Variants in NCKAP5 observed in about 807,000 individuals in gnomAD.
The protein encoded by NCKAP5 is NCK associated protein 5.
NCKAP5 carries 92 observed loss-of-function variants against 167.0 expected under a neutral mutation model. That is an observed-to-expected ratio of 0.55 (90% CI 0.47 to 0.66). The LOEUF (loss-of-function observed/expected upper bound fraction) is 0.66. Among genes scored for constraint, NCKAP5 ranks in the 30% least tolerant of loss-of-function variants. The pLI, the probability that NCKAP5 is intolerant of heterozygous loss-of-function variation, is 0.00. For missense variants in NCKAP5, 2,378 were observed against 2,315.0 expected, an observed-to-expected ratio of 1.03 and a Z score of -0.56; for synonymous variants, 891 against 877.4, an observed-to-expected ratio of 1.02 and a Z score of -0.27.
chr2:133,195,648 G>T (rs188994992), intron 5 of NCKAP5, among the ~76,000 whole-genome samples: 215 of 152,216 alleles, frequency 1.4e-3, no homozygotes, highest in African/African-American at 4.3e-3. Flanking sequence ...CCTTATTATG[G>T]ATCTTTGGAA....
At position 133,116,258 on chromosome 2, in the gene NCKAP5, C is replaced by T. The variant is rs975046609; in HGVS notation, c.341+13720G>A. Among the ~76,000 whole-genome samples the T allele has an allele frequency of 1.3e-4, 11 of 85,962 alleles. 2 individuals are homozygous for T. The highest frequency in any genetic ancestry group is 4.8e-3 in the Middle Eastern group (1 of 210). 56.4% of individuals were successfully genotyped at this position (85,962 alleles called of 152,430 possible). A position where few individuals can be genotyped will look rare whatever the true frequency, so the allele number is the denominator to read the frequency against. ...ATCCCAGCACTTTGGGAGGCCGAGG[C>T]GGGCGGATCACGAGGTCAGGAGATC... On this transcript the variant is annotated intron_variant, in intron 6 of 19. Transcript: ENST00000409261.
intron 4 of NCKAP5, among the ~76,000 whole-genome samples, chr2:133,264,002 T>G (rs2089051554): frequency 6.6e-6 from 1 of 152,170 alleles, no homozygotes; most frequent in African/African-American, 2.4e-5. Flanking sequence ...AACACTTTCA[T>G]CCCATTTTAG....
At chr2:132,801,414 C>T (rs562995222) in intron 11 of NCKAP5, among the ~76,000 whole-genome samples, 2 of 152,252 alleles carry the variant, frequency 1.3e-5, no homozygotes, top group South Asian at 4.1e-4. Flanking sequence ...GTATATATGT[C>T]ATATGTGTAC....
chr2:133,245,401 T>C lies in NCKAP5; in HGVS notation c.144-31622A>G, dbSNP rs183266076. ...ACAAACCATAAGTATTGAATTATTC[T>C]ATTTGTATTGAATTATTCTATTCAT... On this transcript the variant is annotated intron_variant, in intron 4 of 19. Coordinates refer to ENST00000409261, the MANE Select transcript of NCKAP5 (RefSeq NM_207363.3). Among the ~76,000 whole-genome samples the C allele has an allele frequency of 1.5e-4, 23 of 152,312 alleles. No homozygotes were observed. The East Asian group carries it at 3.9e-3, about 26-fold the overall frequency.
At chr2:132,965,009 T>C (rs1325371912) in intron 7 of NCKAP5, among the ~76,000 whole-genome samples, 1 of 152,228 alleles carries the variant, frequency 6.6e-6, no homozygotes, top group African/African-American at 2.4e-5. Context: ...TCTTAATGTA[T>C]ATGTATACAT....
At chr2:132,797,282 G>A (rs970008845) in intron 11 of NCKAP5, among the ~76,000 whole-genome samples, 2 of 152,096 alleles carry the variant, frequency 1.3e-5, no homozygotes, top group Admixed American at 6.5e-5. Flanking sequence ...GGGGACCTGG[G>A]GACTCTGAGG....
chr2:133,565,342 C>T (rs1404209834), intron 1 of NCKAP5, among the ~76,000 whole-genome samples: 2 of 152,224 alleles, frequency 1.3e-5, no homozygotes, highest in Non-Finnish European at 2.9e-5. Context: ...GTAGCTAATA[C>T]TCATTAGCAC....
At chr2:133,214,430 A>G (rs893224429) in intron 4 of NCKAP5, among the ~76,000 whole-genome samples, 6 of 152,212 alleles carry the variant, frequency 3.9e-5, no homozygotes, top group African/African-American at 1.2e-4. Flanking sequence ...AAGCCTAAAT[A>G]AAAAGTCTGC....
intron 13 of NCKAP5, among the ~76,000 whole-genome samples, chr2:132,788,047 T>C (rs1683733859): frequency 6.6e-6 from 1 of 152,206 alleles, no homozygotes; most frequent in Non-Finnish European, 1.5e-5. Context: ...ATTAGCCACA[T>C]TCCTCCTTCA....
rs1241285737 is a variant in NCKAP5 at position 132,784,565 on chromosome 2, T to C, written c.2246A>G (p.Asp749Gly). 7 of 1,579,596 alleles carry C rather than the reference T, an allele frequency of 4.4e-6. No homozygotes were observed. The highest frequency in any genetic ancestry group is 6.0e-6 in the Non-Finnish European group (7 of 1,162,222). ...TTCAGTGGACACCCTGGGAACATTA[T>C]CTACATTATCTTTTGGAATGTTTTT... ...TEKNIPKDNVDNVPRVSTESF... is the reference protein window; with the variant it reads ...TEKNIPKDNVGNVPRVSTESF... The change falls in exon 14 of 20, where the codon GAT becomes GGT. Residue 749 changes from aspartate to glycine, a missense_variant. Transcript: ENST00000409261.
At chr2:132,871,595 C>G (rs13023929) in intron 9 of NCKAP5, among the ~76,000 whole-genome samples, 31,293 of 152,046 alleles carry the variant, frequency 0.21, 3,317 homozygotes, top group Middle Eastern at 0.27. Flanking sequence ...CTCTAACAGC[C>G]CACAGGAGGA....
intron 4 of NCKAP5, among the ~76,000 whole-genome samples, chr2:133,223,225 T>C (rs1479219727): frequency 6.6e-6 from 1 of 152,184 alleles, no homozygotes; most frequent in African/African-American, 2.4e-5. Flanking sequence ...ATTTATGCCT[T>C]GGGGTACAGA....
At chr2:133,073,512 G>A (rs1389913340) in intron 6 of NCKAP5, among the ~76,000 whole-genome samples, 1 of 152,126 alleles carries the variant, frequency 6.6e-6, no homozygotes, top group African/African-American at 2.4e-5. Flanking sequence ...GTCTGAACAG[G>A]ACCACAAAAG....
chr2:133,560,909 A>C (rs754342908), intron 1 of NCKAP5, among the ~76,000 whole-genome samples: 28 of 152,202 alleles, frequency 1.8e-4, no homozygotes, highest in Non-Finnish European at 3.5e-4. Flanking sequence ...TCAACAGTCA[A>C]TACTGGGTTC....
intron 9 of NCKAP5, among the ~76,000 whole-genome samples, chr2:132,878,088 C>G (rs752241030): frequency 6.6e-6 from 1 of 152,094 alleles, no homozygotes; most frequent in Non-Finnish European, 1.5e-5. Context: ...AATGGCCAAT[C>G]GTGGCAGGGA....
rs183163411 is a variant in NCKAP5 at position 132,696,949 on chromosome 2, G to A, written c.5714-23644C>T. Among the ~76,000 whole-genome samples the A allele has an allele frequency of 3.0e-3, 461 of 152,254 alleles. 2 individuals carry two copies. Among genetic ancestry groups the A allele is most frequent in the African/African-American group, 0.011 (449 of 41,542 alleles). On this transcript the variant is annotated intron_variant, in intron 19 of 19. Coordinates refer to ENST00000409261, the MANE Select transcript of NCKAP5 (RefSeq NM_207363.3). ...GTCACCCAGGCTGGAGTACAGTGGT[G>A]TGATCACGGTTCACTGCAGCCTGGA...
chr2:133,362,477 G>T (rs898693443), intron 3 of NCKAP5, among the ~76,000 whole-genome samples: 1 of 152,116 alleles, frequency 6.6e-6, no homozygotes, highest in Non-Finnish European at 1.5e-5. Context: ...GAACATGTCA[G>T]GAGTTTTTAA....
At position 133,231,539 on chromosome 2, in the gene NCKAP5, C is replaced by G. The variant is rs148621309; in HGVS notation, c.144-17760G>C. On this transcript the variant is annotated intron_variant, in intron 4 of 19. Coordinates refer to ENST00000409261, the MANE Select transcript of NCKAP5 (RefSeq NM_207363.3). ...TATCTAAACTAAGATATAACACAGACAGCAAGTTACTCCTGCTATCAAAAG... is the reference window on the plus strand; with the variant it reads ...TATCTAAACTAAGATATAACACAGAGAGCAAGTTACTCCTGCTATCAAAAG... Among the ~76,000 whole-genome samples the G allele has an allele frequency of 7.6e-4, 116 of 152,284 alleles. 1 individual carries two copies. The highest frequency in any genetic ancestry group is 2.6e-3 in the African/African-American group (109 of 41,556).
In NCKAP5 at chr2:133,227,700, C is replaced by T. The variant is rs77182199; in HGVS notation, c.144-13921G>A. On this transcript the variant is annotated intron_variant, in intron 4 of 19. Coordinates refer to ENST00000409261, the MANE Select transcript of NCKAP5 (RefSeq NM_207363.3). ...CATCTGCCAATTCATTTTATGAGTC[C>T]ATAACCTAACAGAACCCATCTCACT... Among the ~76,000 whole-genome samples, 1,067 of 152,272 alleles carry T rather than the reference C, an allele frequency of 7.0e-3. 39 individuals are homozygous for T. Among genetic ancestry groups the T allele is most frequent in the Admixed American group, 0.059 (902 of 15,296 alleles).
Sources: allele counts gnomAD v4.1 joint callset (sites outside exome capture counted in the v4.1 genomes callset), GRCh38; gene constraint gnomAD v4.1.1; transcripts MANE v1.5; gene names NCBI Gene and HGNC (gene_info 2026-07-23, HGNC 2026-07-21).